The following DAB2IP variants were observed in gnomAD, a reference collection of about 807,000 sequenced individuals.
DAB2IP encodes the protein DAB2 interacting protein, also known as disabled homolog 2-interacting protein.
In DAB2IP, 28 loss-of-function variants were observed where a neutral mutation model predicts 107.2. The observed-to-expected ratio is 0.26, with a 90% confidence interval of 0.19 to 0.36. The LOEUF is 0.36. DAB2IP is among the 10% of genes least tolerant of loss of function. The probability of loss-of-function intolerance (pLI) is 1.00; values close to 1 mark genes in which losing one functional copy is unlikely to be tolerated. For synonymous variants in DAB2IP, 755 were observed against 706.4 expected (o/e 1.07, Z -1.09); for missense variants, 1,400 against 1,644.7 (o/e 0.85, Z 2.57).
chr9:121,751,905 C>T (rs1833144843), intron 3 of DAB2IP: 3 of 985,162 alleles, frequency 3.0e-6, no homozygotes, highest in Non-Finnish European at 3.6e-6. Context: ...ATGGCCTTGG[C>T]TGTCCCGTGT....
chr9:121,758,770 C>T, intron 4 of DAB2IP, 128 bp from the exon 5 acceptor site: 1 of 770,520 alleles, frequency 1.3e-6, no homozygotes. Flanking sequence ...CTTGTCCTGG[C>T]TCCTTCCTGA....
chr9:121,772,569 T>C lies in DAB2IP; in HGVS notation c.2079-38T>C, dbSNP rs1308245226. ...CTTGGCTGCACTCACAGTTCTTCTTTTCCCCTTCTTTCCCTGTGTGTGCTT... is the reference window on the plus strand; with the variant it reads ...CTTGGCTGCACTCACAGTTCTTCTTCTCCCCTTCTTTCCCTGTGTGTGCTT... On this transcript the variant is annotated intron_variant, in intron 11 of 15. Transcript: ENST00000408936. The surrounding 1 kb of genome is among the most constrained non-coding windows in gnomAD (Gnocchi z 4.7). 1.9e-6 allele frequency: 3 copies of C among 1,576,920 alleles called. No homozygotes were observed. The highest frequency in any genetic ancestry group is 1.7e-4 in the Middle Eastern group (1 of 5,898).
intron 3 of DAB2IP, among the ~76,000 whole-genome samples, chr9:121,750,478 A>G (rs1385435331): frequency 1.3e-5 from 2 of 151,800 alleles, no homozygotes; most frequent in Admixed American, 1.3e-4. Context: ...CAGGGAGCCC[A>G]CTCTCTCTAA....
chr9:121,619,590 A>T (rs1831393730), intron 1 of DAB2IP, among the ~76,000 whole-genome samples: 1 of 152,234 alleles, frequency 6.6e-6, no homozygotes, highest in African/African-American at 2.4e-5. Flanking sequence ...ATTATATGTC[A>T]CACTTCTGAA....
intron 1 of DAB2IP, among the ~76,000 whole-genome samples, chr9:121,588,635 A>AAGGGAAGGGAAGGGAAGGGAAGGGG (rs1564686434): frequency 6.7e-6 from 1 of 149,246 alleles, no homozygotes; most frequent in African/African-American, 2.5e-5. Context: ...AAGGGAAGGG[A>AAGGGAAGGGAAGGGAAGGGAAGGGG]AGGGAAGGAA....
intron 1 of DAB2IP, among the ~76,000 whole-genome samples, chr9:121,642,492 T>C (rs12685076): frequency 7.1e-4 from 73 of 102,964 alleles, no homozygotes; most frequent in South Asian, 1.6e-3. Flanking sequence ...TTTTTTCTTT[T>C]TTTTTTTTTT....
chr9:121,693,454 T>A (rs1829262624), intron 2 of DAB2IP, among the ~76,000 whole-genome samples: 1 of 152,240 alleles, frequency 6.6e-6, no homozygotes, highest in Admixed American at 6.5e-5. Context: ...CTCCCTTTCC[T>A]GTTTATTTAG....
At chr9:121,615,317 T>A (rs1235142939) in intron 1 of DAB2IP, among the ~76,000 whole-genome samples, 2 of 152,242 alleles carry the variant, frequency 1.3e-5, no homozygotes, top group Non-Finnish European at 2.9e-5. Context: ...TGCTGAGATT[T>A]GTTTACTCCA....
At chr9:121,770,268 G>A (rs985120797) in intron 10 of DAB2IP, among the ~76,000 whole-genome samples, 1 of 152,238 alleles carries the variant, frequency 6.6e-6, no homozygotes, top group Non-Finnish European at 1.5e-5. Flanking sequence ...AGGCACCAGG[G>A]CAGGGCAAAC....
intron 1 of DAB2IP, among the ~76,000 whole-genome samples, chr9:121,597,777 A>G (rs1830560352): frequency 6.6e-6 from 1 of 152,232 alleles, no homozygotes; most frequent in South Asian, 2.1e-4. Flanking sequence ...ACAGCCAGAA[A>G]GTGTTGGATT....
intron 9 of DAB2IP, 49 bp from the exon 10 acceptor site, chr9:121,768,383 C>T (rs369029178): frequency 2.1e-5 from 33 of 1,602,362 alleles, no homozygotes; most frequent in Non-Finnish European, 2.6e-5. Context: ...AGTTCCTGGG[C>T]AGGGCCTGCC....
chr9:121,743,524 A>G lies in DAB2IP; in HGVS notation c.363-13489A>G, dbSNP rs571546187. Among the ~76,000 whole-genome samples, 36 of 152,290 alleles carry G rather than the reference A, an allele frequency of 2.4e-4. No homozygotes were observed. In the East Asian group the frequency reaches 6.8e-3, roughly 29 times the overall value. ...CCAAGTAGGACACTGGCCCTTTAAAAGCACATTACAGAGAGTTGGAACATA... is the reference window on the plus strand; with the variant it reads ...CCAAGTAGGACACTGGCCCTTTAAAGGCACATTACAGAGAGTTGGAACATA... On this transcript the variant is annotated intron_variant, in intron 3 of 15. Coordinates refer to ENST00000408936, the Ensembl canonical transcript of DAB2IP.
chr9:121,567,230 T>A lies in DAB2IP; in HGVS notation c.40+2T>A. 2 of 1,614,000 alleles carry A rather than the reference T, an allele frequency of 1.2e-6. No homozygotes were observed. Among genetic ancestry groups the A allele is most frequent in the African/African-American group, 1.3e-5 (1 of 75,046 alleles). ...TTCTGGACCAAGACGACTCCTACGG[T>A]AAGACGGTGCCAGCAAAGTGCAGAG... On this transcript the variant is annotated splice_donor_variant, in intron 1 of 16. Transcript: ENST00000259371. LOFTEE classifies it high-confidence loss of function.
rs1200952679 is a variant in DAB2IP, at chr9:121,772,053, C to T, written c.2079-554C>T. On this transcript the variant is annotated intron_variant, in intron 11 of 15. Coordinates refer to ENST00000408936, the Ensembl canonical transcript of DAB2IP. This position sits in a 1 kb window ranked among gnomAD's most constrained non-coding sequence, Gnocchi z 4.7. ...TCATGCTCTCCACAGAGCCTGCTCT[C>T]ATTCCTTGTTTTTGCCAGGAACTCC... is the stretch of plus-strand genomic sequence containing the variant. Among the ~76,000 whole-genome samples the T allele has an allele frequency of 1.3e-5, 2 of 152,224 alleles. No individual in the cohort carries two copies. The highest frequency in any genetic ancestry group is 2.9e-5 in the Non-Finnish European group (2 of 68,028).
In DAB2IP at chr9:121,679,413, T is replaced by TACACACACACACACACAC. The variant is rs3138857; in HGVS notation, c.228+655_228+672dup. On this transcript the variant is annotated intron_variant, in intron 2 of 15. Coordinates refer to ENST00000408936, the Ensembl canonical transcript of DAB2IP. ...TCATACCCTTCTGCATTTGTGCATGTACACACACACACACACACACACACA... is the reference window on the plus strand; with the variant it reads ...TCATACCCTTCTGCATTTGTGCATGTACACACACACACACACACACACACACACACACACACACACACA... 6.1e-3 allele frequency among the ~76,000 whole-genome samples: 829 copies of TACACACACACACACACAC among 135,594 alleles called. 14 individuals are homozygous for TACACACACACACACACAC. Among genetic ancestry groups the TACACACACACACACACAC allele is most frequent in the African/African-American group, 0.022 (734 of 33,666 alleles). 89.0% of individuals were successfully genotyped at this position (135,594 alleles called of 152,430 possible).
At position 121,782,003 on chromosome 9, in the gene DAB2IP, T is replaced by C. The variant is rs1256964360; in HGVS notation, c.3403-328T>C. ...ACTCACCCAGGAGTAGGCTGGGCCT[T>C]GCTCAGGCTGTAAACTGCACAGACC... On this transcript the variant is annotated intron_variant, in intron 15 of 15. Transcript: ENST00000408936. The surrounding 1 kb of genome is among the most constrained non-coding windows in gnomAD (Gnocchi z 6.1). 6.6e-6 allele frequency among the ~76,000 whole-genome samples: 1 copy of C among 152,196 alleles called. No homozygotes were observed. The highest frequency in any genetic ancestry group is 1.5e-5 in the Non-Finnish European group (1 of 68,020).
chr9:121,627,839 A>G (rs1831719611), intron 1 of DAB2IP, among the ~76,000 whole-genome samples: 1 of 152,200 alleles, frequency 6.6e-6, no homozygotes, highest in Non-Finnish European at 1.5e-5. Context: ...TTCGTTCAGT[A>G]AGATATTTGG....
At position 121,702,927 on chromosome 9, in the gene DAB2IP, C is replaced by T. The variant is rs567684517; in HGVS notation, c.362+3469C>T. ...CAGTAGTTACTCTAAAGTGTCTGTACCCCCATCAAGCTCTTCCCAGTCATC... is the reference window on the plus strand; with the variant it reads ...CAGTAGTTACTCTAAAGTGTCTGTATCCCCATCAAGCTCTTCCCAGTCATC... On this transcript the variant is annotated intron_variant, in intron 3 of 15. Transcript: ENST00000408936. The surrounding 1 kb of genome is among the most constrained non-coding windows in gnomAD (Gnocchi z 4.5). Among the ~76,000 whole-genome samples the T allele has an allele frequency of 1.3e-5, 2 of 152,302 alleles. No homozygotes were observed. Among genetic ancestry groups the T allele is most frequent in the African/African-American group, 4.8e-5 (2 of 41,554 alleles).
At position 121,773,077 on chromosome 9, in the gene DAB2IP, GCT is replaced by G; in HGVS notation, c.2552_2553del (p.Ser851Ter). 1 of 1,612,534 alleles carries G rather than the reference GCT, an allele frequency of 6.2e-7. No homozygotes were observed. Among genetic ancestry groups the G allele is most frequent in the Admixed American group, 1.7e-5 (1 of 60,018 alleles). On this transcript the variant is annotated frameshift_variant, in exon 12 of 16. Coordinates refer to ENST00000408936, the Ensembl canonical transcript of DAB2IP. LOFTEE classifies it high-confidence loss of function. ...TCACCCCGTGGCCTTGGCGACTCAG[GCT>G]CTGAGGGCCACAGCTCCCTGAGCTC...
Sources: allele counts gnomAD v4.1 joint callset (sites outside exome capture counted in the v4.1 genomes callset), GRCh38; gene constraint gnomAD v4.1.1; non-coding constraint Gnocchi (gnomAD v3.1); transcripts MANE v1.5; gene names NCBI Gene and HGNC (gene_info 2026-07-23, HGNC 2026-07-21).